TRDN: variants seen among roughly 807,000 people sequenced by gnomAD.
The protein encoded by TRDN is triadin in skeletal muscle.
Under a neutral mutation model 149.7 loss-of-function variants are expected in TRDN, and 161 were observed. That is an observed-to-expected ratio of 1.08 (90% confidence interval 0.95 to 1.23). The LOEUF (loss-of-function observed/expected upper bound fraction) is 1.23, where lower values mean the gene tolerates loss of function less well. TRDN is among the 50% of genes most tolerant of loss of function. TRDN has a pLI of 0.00. For missense variants in TRDN, 896 were observed against 823.5 expected (o/e 1.09, Z -1.08); for synonymous variants, 294 against 250.5 (o/e 1.17, Z -1.64).
intron 20 of TRDN, 58 bp from the exon 21 acceptor site, chr6:123,352,644 CA>C (rs1402214025): frequency 6.5e-6 from 10 of 1,549,440 alleles, no homozygotes; most frequent in East Asian, 4.6e-5. Flanking sequence ...TGCTTCTGCT[CA>C]AAAAAAGCAT....
chr6:123,544,579 A>C (rs1015064452), intron 4 of TRDN, among the ~76,000 whole-genome samples: 3 of 152,082 alleles, frequency 2.0e-5, no homozygotes, highest in Admixed American at 2.0e-4. Flanking sequence ...AGATGTGCAA[A>C]GTATACCACT....
intron 9 of TRDN, among the ~76,000 whole-genome samples, chr6:123,489,188 T>A (rs925761314): frequency 1.3e-5 from 2 of 151,690 alleles, no homozygotes; most frequent in South Asian, 4.2e-4. Flanking sequence ...ACGAGTACTA[T>A]TTTTTTTGCA....
At chr6:123,415,002 G>C (rs1417453477) in intron 12 of TRDN, among the ~76,000 whole-genome samples, 1 of 152,024 alleles carries the variant, frequency 6.6e-6, no homozygotes, top group Non-Finnish European at 1.5e-5. Context: ...CATTCATTCA[G>C]CAAATATTAA....
chr6:123,463,278 A>T (rs572667157), intron 10 of TRDN, among the ~76,000 whole-genome samples: 65 of 151,832 alleles, frequency 4.3e-4, no homozygotes, highest in African/African-American at 1.6e-3. Context: ...CGGAGCTTGC[A>T]GTGAGCCGAG....
intron 22 of TRDN, among the ~76,000 whole-genome samples, chr6:123,336,318 C>A (rs150194733): frequency 6.6e-6 from 1 of 151,978 alleles, no homozygotes; most frequent in Admixed American, 6.6e-5. Flanking sequence ...TATTGCTAGA[C>A]CTCACATTCC....
intron 21 of TRDN, chr6:123,351,577 A>C: frequency 2.0e-6 from 2 of 977,946 alleles, no homozygotes; most frequent in Non-Finnish European, 2.4e-6. Context: ...CCAAGGAAAT[A>C]AATTCTTAAC....
At chr6:123,598,952 G>T (rs1217144287) in intron 1 of TRDN, among the ~76,000 whole-genome samples, 1 of 152,080 alleles carries the variant, frequency 6.6e-6, no homozygotes, top group East Asian at 1.9e-4. Flanking sequence ...GTAGTGCTAG[G>T]ATGGGACAGT....
chr6:123,477,525 G>A (rs1351661541), intron 9 of TRDN, among the ~76,000 whole-genome samples: 1,879 of 144,734 alleles, frequency 0.013, 29 homozygotes, highest in African/African-American at 0.042. Flanking sequence ...ATCTAGAACT[G>A]GAAATACCAT....
chr6:123,390,942 G>A (rs964652847), intron 13 of TRDN, among the ~76,000 whole-genome samples: 11 of 151,998 alleles, frequency 7.2e-5, no homozygotes, highest in African/African-American at 2.7e-4. Flanking sequence ...AAAAGCCAGT[G>A]GAAATACACT....
At chr6:123,248,723 A>G (rs1776273534) in intron 38 of TRDN, among the ~76,000 whole-genome samples, 2 of 152,162 alleles carry the variant, frequency 1.3e-5, no homozygotes, top group Non-Finnish European at 2.9e-5. Context: ...TTAGTCAGTA[A>G]TAAAACAATC....
At chr6:123,286,053 A>C (rs1777793889) in intron 24 of TRDN, among the ~76,000 whole-genome samples, 1 of 152,162 alleles carries the variant, frequency 6.6e-6, no homozygotes, top group Admixed American at 6.6e-5. Context: ...CAGTGAAAAG[A>C]GAACACTTCT....
chr6:123,303,211 T>C (rs1298406085), intron 24 of TRDN, among the ~76,000 whole-genome samples: 1 of 152,114 alleles, frequency 6.6e-6, no homozygotes, highest in Non-Finnish European at 1.5e-5. Flanking sequence ...CATTGGCCTT[T>C]TACACACAGA....
chr6:123,528,726 G>C (rs1309297198), intron 5 of TRDN: 1 of 987,142 alleles, frequency 1.0e-6, no homozygotes, highest in Non-Finnish European at 1.2e-6. Flanking sequence ...TGAGAATAAA[G>C]AGCAGGCATT....
chr6:123,256,944 GGT>G (rs1378037896), intron 35 of TRDN, among the ~76,000 whole-genome samples: 11 of 150,254 alleles, frequency 7.3e-5, no homozygotes, highest in Non-Finnish European at 1.5e-5. Flanking sequence ...GGGTTTTTAT[GGT>G]TTTAGGTCTC....
At chr6:123,284,132 C>T (rs1222956472) in intron 24 of TRDN, among the ~76,000 whole-genome samples, 1 of 137,630 alleles carries the variant, frequency 7.3e-6, no homozygotes, top group Non-Finnish European at 1.6e-5. Flanking sequence ...TTCGACAAGA[C>T]AGAGAAAGAA....
At chr6:123,323,737 T>C (rs1407317476) in intron 23 of TRDN, among the ~76,000 whole-genome samples, 2 of 152,248 alleles carry the variant, frequency 1.3e-5, no homozygotes, top group Non-Finnish European at 2.9e-5. Context: ...GTCCCTGCCT[T>C]ATTCTGTCAT....
chr6:123,279,035 T>C, intron 25 of TRDN, 21 bp downstream of exon 25: 1 of 1,601,888 alleles, frequency 6.2e-7, no homozygotes, highest in South Asian at 1.1e-5. Context: ...TGTTTGTTTA[T>C]TGAGCATGCA....
chr6:123,402,714 A>G (rs1404118501), intron 12 of TRDN, among the ~76,000 whole-genome samples: 1 of 152,284 alleles, frequency 6.6e-6, no homozygotes, highest in South Asian at 2.1e-4. Flanking sequence ...GAAGCCAGGT[A>G]CAATGTCACT....
chr6:123,463,666 A>G (rs1776614233), intron 10 of TRDN, among the ~76,000 whole-genome samples: 1 of 152,036 alleles, frequency 6.6e-6, no homozygotes, highest in African/African-American at 2.4e-5. Context: ...TCCAATGAAC[A>G]TTTTGGCGAG....
Sources: allele counts gnomAD v4.1 joint callset (sites outside exome capture counted in the v4.1 genomes callset), GRCh38; gene constraint gnomAD v4.1.1; transcripts MANE v1.5; gene names NCBI Gene and HGNC (gene_info 2026-07-23, HGNC 2026-07-21).